The following TEK variants were observed in gnomAD, a reference collection of about 807,000 sequenced individuals.
TEK encodes TEK receptor tyrosine kinase.
TEK carries 43 observed loss-of-function variants against 131.8 expected under a neutral mutation model. That is an observed-to-expected ratio of 0.33 (90% confidence interval 0.26 to 0.42). TEK has a LOEUF of 0.42. Among genes scored for constraint, TEK ranks in the 10% least tolerant of loss-of-function variants. The pLI is 1.00. For synonymous variants in TEK, 580 were observed against 491.6 expected (o/e 1.18, Z -2.38); for missense variants, 1,162 against 1,384.4 (o/e 0.84, Z 2.55).
intron 21 of TEK, among the ~76,000 whole-genome samples, chr9:27,221,162 G>A (rs559188622): frequency 2.8e-3 from 419 of 152,240 alleles, no homozygotes; most frequent in African/African-American, 8.6e-3. Flanking sequence ...AGGGAAGTTC[G>A]AACTGGGTGG....
chr9:27,155,819 GTTT>G (rs11325198), intron 1 of TEK, among the ~76,000 whole-genome samples: 5 of 139,782 alleles, frequency 3.6e-5, no homozygotes, highest in Non-Finnish European at 4.7e-5. Flanking sequence ...GAGCACTTTT[GTTT>G]TTTTTTTTTT....
chr9:27,153,668 G>C (rs992667389), intron 1 of TEK, among the ~76,000 whole-genome samples: 1 of 152,198 alleles, frequency 6.6e-6, no homozygotes, highest in Non-Finnish European at 1.5e-5. Context: ...GATTTGGAGA[G>C]GATAGCGCTA....
intron 7 of TEK, among the ~76,000 whole-genome samples, chr9:27,182,560 C>T (rs550600712): frequency 2.6e-5 from 4 of 152,216 alleles, no homozygotes; most frequent in African/African-American, 2.4e-5. Flanking sequence ...TTATTGACCC[C>T]GCCTCTTCCC....
chr9:27,210,789 G>C (rs929282031), intron 16 of TEK, among the ~76,000 whole-genome samples: 1 of 152,100 alleles, frequency 6.6e-6, no homozygotes, highest in Non-Finnish European at 1.5e-5. Context: ...TTAAAATTTT[G>C]CTTCGTCATC....
rs924647038 is a variant in TEK at position 27,146,321 on chromosome 9, C to T, written c.53-11510C>T. 3.9e-5 allele frequency among the ~76,000 whole-genome samples: 6 copies of T among 152,152 alleles called. No individual in the cohort carries two copies. The East Asian group carries it at 1.2e-3, about 29-fold the overall frequency. On this transcript the variant is annotated intron_variant, in intron 1 of 22. Coordinates refer to ENST00000380036, the MANE Select transcript of TEK (RefSeq NM_000459.5). ...ATAATTGGCTTTTGTGTGTATACAA[C>T]TCTATGAGTTTTAACACATACACTC...
Position 27,183,493 on chromosome 9 carries a change from G to T in TEK, c.1065G>T (p.Leu355Phe), listed in dbSNP as rs1824475566. The T allele has an allele frequency of 6.2e-7, 1 of 1,613,830 alleles. No homozygotes were observed. Among genetic ancestry groups the T allele is most frequent in the East Asian group, 2.2e-5 (1 of 44,876 alleles). Residue 355 changes from leucine to phenylalanine, a missense_variant, in exon 8 of 23, where the codon TTG (leucine) becomes TTT (phenylalanine). Leu to Phe is a conservative substitution (Grantham distance 22). Around this residue, in one of 6 missense-constraint regions of TEK, gnomAD observed 436 missense variants for 539.1 expected, o/e 0.81. Transcript: ENST00000380036. ...GGATGACCCCAAAGATAGTGGATTT[G>T]CCAGATCATATAGAAGTAAACAGTG... is the stretch of plus-strand genomic sequence containing the variant. ...IQRMTPKIVDLPDHIEVNSGK... is the reference protein window; with the variant it reads ...IQRMTPKIVDFPDHIEVNSGK...
chr9:27,175,472 T>G (rs1395530128), intron 6 of TEK, among the ~76,000 whole-genome samples: 2 of 152,030 alleles, frequency 1.3e-5, no homozygotes, highest in Non-Finnish European at 2.9e-5. Context: ...CTTTATAGCA[T>G]CATGATTTAT....
chr9:27,155,143 G>A (rs936953915), intron 1 of TEK, among the ~76,000 whole-genome samples: 2 of 152,180 alleles, frequency 1.3e-5, no homozygotes, highest in African/African-American at 4.8e-5. Context: ...TCTGGAACAT[G>A]CCTGGAATGT....
intron 1 of TEK, among the ~76,000 whole-genome samples, chr9:27,118,330 C>T (rs936325803): frequency 6.6e-6 from 1 of 151,928 alleles, no homozygotes; most frequent in Non-Finnish European, 1.5e-5. Flanking sequence ...AGTGACATGT[C>T]CAAGGTTAAA....
intron 1 of TEK, among the ~76,000 whole-genome samples, chr9:27,153,286 A>G (rs1305922151): frequency 6.9e-6 from 1 of 144,298 alleles, no homozygotes; most frequent in African/African-American, 2.6e-5. Context: ...GCCTCTACTA[A>G]AAATAGAAAA....
intron 2 of TEK, among the ~76,000 whole-genome samples, chr9:27,167,140 A>AT (rs952265076): frequency 6.6e-6 from 1 of 152,224 alleles, no homozygotes; most frequent in Admixed American, 6.5e-5. Flanking sequence ...TTTTATTCCC[A>AT]TATCTTGTCC....
At chr9:27,199,536 C>A (rs1587004031) in intron 12 of TEK, among the ~76,000 whole-genome samples, 1 of 152,178 alleles carries the variant, frequency 6.6e-6, no homozygotes, top group East Asian at 1.9e-4. Flanking sequence ...TAGTGTCACA[C>A]CTTTTTACTT....
chr9:27,166,372 G>T (rs1009496443), intron 2 of TEK, among the ~76,000 whole-genome samples: 6 of 152,148 alleles, frequency 3.9e-5, no homozygotes, highest in African/African-American at 1.4e-4. Context: ...GTAATTTTCA[G>T]TCTTTTTGAT....
At chr9:27,213,455 A>AAAAT in intron 17 of TEK, 29 bp from the exon 18 acceptor site, 1 of 1,568,210 alleles carries the variant, frequency 6.4e-7, no homozygotes, top group Non-Finnish European at 8.8e-7. Context: ...CATTAGGCTG[A>AAAAT]AAATACATAA....
chr9:27,223,134 TAGA>T, intron 21 of TEK, among the ~76,000 whole-genome samples: 1 of 151,988 alleles, frequency 6.6e-6, no homozygotes, highest in African/African-American at 2.4e-5. Flanking sequence ...AGCAAGTTCT[TAGA>T]GAACTGCAAA....
rs1267459178 is a variant in TEK, at chr9:27,218,128, A to AGTTGG, written c.3062+372_3062+373insTGGGT. ...TGCTGGGGACAAAATAAGGCCAGAC[A>AGTTGG]GTGGCGGGGGTCGTCTCTGCTTGCA... is the stretch of plus-strand genomic sequence containing the variant. On this transcript the variant is annotated intron_variant, in intron 19 of 22. Coordinates refer to ENST00000380036, the MANE Select transcript of TEK (RefSeq NM_000459.5). Among the ~76,000 whole-genome samples the AGTTGG allele has an allele frequency of 1.3e-4, 4 of 30,886 alleles. No individual in the cohort carries two copies. In the South Asian group the frequency reaches 4.6e-3, roughly 35 times the overall value. The allele number at this position is 30,886 out of a possible 152,430, so 20.3% of individuals were successfully genotyped here.
intron 1 of TEK, among the ~76,000 whole-genome samples, chr9:27,116,062 C>G (rs892233435): frequency 2.0e-5 from 3 of 152,018 alleles, no homozygotes; most frequent in Non-Finnish European, 4.4e-5. Flanking sequence ...ACATTCCAGG[C>G]AAGAGGACTG....
chr9:27,135,589 A>G (rs1822394419), intron 1 of TEK, among the ~76,000 whole-genome samples: 1 of 152,192 alleles, frequency 6.6e-6, no homozygotes, highest in Non-Finnish European at 1.5e-5. Context: ...GTATGTATGT[A>G]TACATTGATA....
chr9:27,162,457 A>T (rs1823580023), intron 2 of TEK, among the ~76,000 whole-genome samples: 1 of 152,222 alleles, frequency 6.6e-6, no homozygotes, highest in African/African-American at 2.4e-5. Context: ...AGGAAATTAT[A>T]TATAAAGTTT....
Sources: gnomAD v4.1 joint callset for allele counts (sites outside exome capture counted in the v4.1 genomes callset) on GRCh38, gnomAD v4.1.1 for gene constraint, gnomAD v4.1.1 regional missense constraint, MANE v1.5 for transcripts, NCBI Gene and HGNC (gene_info 2026-07-23, HGNC 2026-07-21) for gene names.